SORBS2: variants seen among roughly 807,000 people sequenced by gnomAD.
SORBS2 encodes the protein sorbin and SH3 domain containing 2.
A neutral mutation model predicts 97.7 loss-of-function variants in SORBS2; 46 were observed. The ratio of observed to expected loss-of-function variants is 0.47; its 90% confidence interval spans 0.37 to 0.60. The LOEUF (loss-of-function observed/expected upper bound fraction) is 0.60, where lower values mean the gene tolerates loss of function less well. Ranked by LOEUF, SORBS2 falls within the 20% of genes least tolerant of loss-of-function variation. The pLI is 0.00. For missense variants in SORBS2, 1,316 were observed against 1,282.3 expected, an observed-to-expected ratio of 1.03 and a Z score of -0.40; for synonymous variants, 476 against 473.4, an observed-to-expected ratio of 1.01 and a Z score of -0.07.
At chr4:185,731,860 CTCTCTCTATATATATATATATATATATA>C (rs1367726092) in intron 2 of SORBS2, among the ~76,000 whole-genome samples, 19 of 34,278 alleles carry the variant, frequency 5.5e-4, no homozygotes, top group African/African-American at 1.8e-3. Flanking sequence ...CTCTCTCTCT[CTCTCTCTATATATATATATATATATATA>C]TATATATATA....
chr4:185,745,270 G>A (rs968321021), intron 2 of SORBS2, among the ~76,000 whole-genome samples: 16 of 152,256 alleles, frequency 1.1e-4, no homozygotes, highest in Middle Eastern at 3.4e-3. Context: ...GCATGCCGGT[G>A]GTAGGGGAGC....
chr4:185,889,350 CCA>C (rs1477444752), intron 1 of SORBS2, among the ~76,000 whole-genome samples: 1 of 151,656 alleles, frequency 6.6e-6, no homozygotes, highest in Non-Finnish European at 1.5e-5. Flanking sequence ...TTGATTTTTT[CCA>C]CAGTCATTTT....
intron 1 of SORBS2, among the ~76,000 whole-genome samples, chr4:185,939,039 A>G (rs1380592238): frequency 6.6e-6 from 1 of 152,188 alleles, no homozygotes; most frequent in Non-Finnish European, 1.5e-5. Flanking sequence ...TCTCTCTCCT[A>G]AAGGAATACT....
At chr4:185,634,102 C>T (rs983249163) in intron 4 of SORBS2, among the ~76,000 whole-genome samples, 4 of 152,060 alleles carry the variant, frequency 2.6e-5, no homozygotes, top group Non-Finnish European at 4.4e-5. Context: ...CCAGAATGTT[C>T]CTGATTACTC....
intron 1 of SORBS2, among the ~76,000 whole-genome samples, chr4:185,793,799 T>C (rs567317971): frequency 6.6e-6 from 1 of 152,328 alleles, no homozygotes; most frequent in East Asian, 1.9e-4. Flanking sequence ...TTACTTCATA[T>C]AAGAGAACGA....
chr4:185,633,789 CTTTTT>C (rs5864946), intron 4 of SORBS2, among the ~76,000 whole-genome samples: 4 of 148,804 alleles, frequency 2.7e-5, no homozygotes, highest in Non-Finnish European at 6.0e-5. Flanking sequence ...TTGCACTCTA[CTTTTT>C]TTTTTAACTG....
chr4:185,793,744 A>T (rs2099092065), intron 1 of SORBS2, among the ~76,000 whole-genome samples: 1 of 152,136 alleles, frequency 6.6e-6, no homozygotes, highest in African/African-American at 2.4e-5. Flanking sequence ...TTATGGACTG[A>T]GAGCCAGTTA....
In SORBS2 at chr4:185,813,978, C is replaced by T. The variant is rs537740803; in HGVS notation, c.-337-38612G>A. Among the ~76,000 whole-genome samples, 4 of 152,244 alleles carry T rather than the reference C, an allele frequency of 2.6e-5. No individual in the cohort carries two copies. The South Asian group carries it at 8.3e-4, about 32-fold the overall frequency. On this transcript the variant is annotated intron_variant, in intron 1 of 20. Coordinates refer to the SORBS2 transcript ENST00000284776. The stretch of plus-strand genomic sequence containing the variant: ...TTGGAATATTCTAATTTCTCAATGC[C>T]TCTAAATGAGGACCTACGACACTGT...
rs1327599241 is a variant in SORBS2, at chr4:185,806,461, T to G, written c.-337-31095A>C. The stretch of plus-strand genomic sequence containing the variant: ...ATTTTTTTTTTTTTTTTTTTTTTTT[T>G]TTTTTTTTTTTTTTGAGACGGAGTC... On this transcript the variant is annotated intron_variant, in intron 1 of 20. Coordinates refer to the SORBS2 transcript ENST00000284776. Among the ~76,000 whole-genome samples, 58 of 41,636 alleles carry G rather than the reference T, an allele frequency of 1.4e-3. 3 individuals carry two copies. Among genetic ancestry groups the G allele is most frequent in the Non-Finnish European group, 2.7e-3 (51 of 19,074 alleles). 27.3% of individuals were successfully genotyped at this position (41,636 alleles called of 152,430 possible).
At chr4:185,942,653 A>G (rs962327779) in intron 1 of SORBS2, among the ~76,000 whole-genome samples, 2 of 151,834 alleles carry the variant, frequency 1.3e-5, no homozygotes, top group Admixed American at 6.6e-5. Context: ...ATGGCCCCAT[A>G]TTTTCTTTAC....
At chr4:185,886,478 C>T (rs1023379312) in intron 1 of SORBS2, among the ~76,000 whole-genome samples, 2 of 141,300 alleles carry the variant, frequency 1.4e-5, no homozygotes, top group Non-Finnish European at 3.0e-5. Context: ...TTGCTTGAAC[C>T]TGGGAGGCGG....
At chr4:185,838,888 T>C (rs2099209789) in intron 1 of SORBS2, among the ~76,000 whole-genome samples, 1 of 152,120 alleles carries the variant, frequency 6.6e-6, no homozygotes, top group Non-Finnish European at 1.5e-5. Flanking sequence ...AGGTATCACG[T>C]ATGCTCACAA....
intron 2 of SORBS2, among the ~76,000 whole-genome samples, chr4:185,743,574 T>C (rs2098740448): frequency 6.6e-6 from 1 of 152,220 alleles, no homozygotes; most frequent in Admixed American, 6.5e-5. Context: ...CCTAGTAGTT[T>C]AGAACTCTGT....
Position 185,617,311 on chromosome 4 carries a change from GA to G in SORBS2, c.2351+1273del, listed in dbSNP as rs906684812. 7.3e-5 allele frequency among the ~76,000 whole-genome samples: 11 copies of G among 150,046 alleles called. No homozygotes were observed. The South Asian group carries it at 1.3e-3, about 17-fold the overall frequency. On this transcript the variant is annotated intron_variant, in intron 9 of 14. Transcript: ENST00000418609. ...ACAAAGCATCTTATTTCTCTAATTTGAAAAAAAAAGATGTAAGCTTTTCTTC... is the reference window on the plus strand; with the variant it reads ...ACAAAGCATCTTATTTCTCTAATTTGAAAAAAAAGATGTAAGCTTTTCTTC...
intron 1 of SORBS2, among the ~76,000 whole-genome samples, chr4:185,784,307 A>T (rs2153638203): frequency 6.6e-6 from 1 of 151,994 alleles, no homozygotes; most frequent in African/African-American, 2.4e-5. Context: ...AATTTTTTGT[A>T]TTTTAGTAGA....
intron 2 of SORBS2, among the ~76,000 whole-genome samples, chr4:185,696,898 T>G (rs2098183368): frequency 6.6e-6 from 1 of 152,196 alleles, no homozygotes; most frequent in Non-Finnish European, 1.5e-5. Context: ...GCTTATAATG[T>G]GCAAATCAAA....
intron 2 of SORBS2, among the ~76,000 whole-genome samples, chr4:185,679,604 G>A (rs1582575750): frequency 6.6e-6 from 1 of 152,282 alleles, no homozygotes; most frequent in East Asian, 1.9e-4. Flanking sequence ...TCATCAGCTT[G>A]TGTTGCCTGG....
chr4:185,840,024 G>A (rs1024373145), intron 1 of SORBS2, among the ~76,000 whole-genome samples: 3 of 152,134 alleles, frequency 2.0e-5, no homozygotes, highest in Non-Finnish European at 4.4e-5. Flanking sequence ...AAAGAGAGGA[G>A]AGGAGCATCT....
At chr4:185,704,388 G>A (rs971183393) in intron 2 of SORBS2, among the ~76,000 whole-genome samples, 2 of 151,138 alleles carry the variant, frequency 1.3e-5, no homozygotes, top group African/African-American at 2.5e-5. Context: ...GCGTGATCTC[G>A]GCTCACTGCA....
Sources: gnomAD v4.1 joint callset for allele counts (sites outside exome capture counted in the v4.1 genomes callset) on GRCh38, gnomAD v4.1.1 for gene constraint, MANE v1.5 for transcripts, NCBI Gene and HGNC (gene_info 2026-07-23, HGNC 2026-07-21) for gene names.